Variants in SPMIP11 observed in about 807,000 individuals in gnomAD.
The protein encoded by SPMIP11 is sperm microtubule inner protein 11.
chr12:48,738,106 T>A, the SPMIP11 span, among the ~76,000 whole-genome samples: 1 of 152,162 alleles, frequency 6.6e-6, no homozygotes, highest in African/African-American at 2.4e-5. Context: ...ATTACAGGCG[T>A]GAGCCACCAT....
At chr12:48,758,210 T>C in the SPMIP11 span, among the ~76,000 whole-genome samples, 1 of 152,028 alleles carries the variant, frequency 6.6e-6, no homozygotes, top group African/African-American at 2.4e-5. Flanking sequence ...TAAGAAAATG[T>C]TGGGAAGCAC....
At chr12:48,764,974 T>G in the SPMIP11 span, 2 of 702,734 alleles carry the variant, frequency 2.8e-6, no homozygotes, top group Admixed American at 4.0e-5. Flanking sequence ...CGCCATTGTC[T>G]CATAAAAAGC....
the SPMIP11 span, among the ~76,000 whole-genome samples, chr12:48,756,191 C>G: frequency 6.6e-6 from 1 of 152,092 alleles, no homozygotes; most frequent in East Asian, 1.9e-4. Flanking sequence ...CCTCCTCAGT[C>G]TATTTCTATT....
the SPMIP11 span, chr12:48,768,436 C>T: frequency 2.3e-5 from 25 of 1,089,960 alleles, no homozygotes; most frequent in South Asian, 9.8e-5. Context: ...TGAGGGCAGA[C>T]GAGCATGATC....
At chr12:48,768,382 C>A in the SPMIP11 span, 2 of 677,790 alleles carry the variant, frequency 3.0e-6, no homozygotes, top group East Asian at 5.6e-5. Context: ...GAAAGAAAGT[C>A]ACTTGCATAA....
chr12:48,729,678 T>C, the SPMIP11 span, among the ~76,000 whole-genome samples: 9 of 149,050 alleles, frequency 6.0e-5, no homozygotes, highest in Non-Finnish European at 1.2e-4. Context: ...CCACTGCACT[T>C]CAGCCTGGCA....
chr12:48,763,063 T>C, the SPMIP11 span, among the ~76,000 whole-genome samples: 1 of 152,146 alleles, frequency 6.6e-6, no homozygotes, highest in Non-Finnish European at 1.5e-5. Flanking sequence ...GAACCTATAA[T>C]TATAACAAAA....
the SPMIP11 span, among the ~76,000 whole-genome samples, chr12:48,755,011 T>C: frequency 6.6e-6 from 1 of 151,086 alleles, no homozygotes; most frequent in Non-Finnish European, 1.5e-5. Flanking sequence ...GTAGACTCTT[T>C]CTAAAAATTC....
chr12:48,734,254 T>C, the SPMIP11 span, among the ~76,000 whole-genome samples: 2 of 151,844 alleles, frequency 1.3e-5, no homozygotes, highest in South Asian at 4.2e-4. Context: ...ACAGGTATTG[T>C]GATACTCTAA....
chr12:48,737,231 G>A, the SPMIP11 span, among the ~76,000 whole-genome samples: 10 of 151,876 alleles, frequency 6.6e-5, no homozygotes, highest in Non-Finnish European at 1.3e-4. Flanking sequence ...GATTACAGGC[G>A]TGAGCCACAT....
the SPMIP11 span, among the ~76,000 whole-genome samples, chr12:48,744,225 G>A: frequency 3.4e-5 from 5 of 147,412 alleles, no homozygotes; most frequent in Non-Finnish European, 7.4e-5. Flanking sequence ...TCCAGCGTGG[G>A]CAACAAGAGT....
At chr12:48,741,473 T>C in the SPMIP11 span, among the ~76,000 whole-genome samples, 2 of 149,820 alleles carry the variant, frequency 1.3e-5, no homozygotes, top group Non-Finnish European at 2.9e-5. Context: ...ATAAGCGACA[T>C]TATATCTTCA....
chr12:48,743,721 C>A, the SPMIP11 span, among the ~76,000 whole-genome samples: 1 of 151,710 alleles, frequency 6.6e-6, no homozygotes, highest in Non-Finnish European at 1.5e-5. Context: ...GCGGGCGGAT[C>A]GCCTGAGGTC....
chr12:48,765,933 A>C, the SPMIP11 span: 2 of 431,904 alleles, frequency 4.6e-6, no homozygotes, highest in East Asian at 8.1e-5. Context: ...AAGGCACTGG[A>C]AAGAACCGCC....
the SPMIP11 span, chr12:48,759,328 A>G: frequency 1.4e-6 from 1 of 702,924 alleles, no homozygotes; most frequent in African/African-American, 1.7e-5. Flanking sequence ...GTTGTTGAAG[A>G]CGTGTAAGTA....
chr12:48,761,445 C>CAA, the SPMIP11 span, among the ~76,000 whole-genome samples: 17 of 96,278 alleles, frequency 1.8e-4, no homozygotes, highest in East Asian at 1.1e-3. Context: ...AGCGAGACTC[C>CAA]AAAAAAAAAA....
chr12:48,759,504 T>C, the SPMIP11 span, among the ~76,000 whole-genome samples: 1 of 151,700 alleles, frequency 6.6e-6, no homozygotes, highest in African/African-American at 2.4e-5. Flanking sequence ...CTGGCCAACA[T>C]AGTGAAACCC....
chr12:48,744,739 T>A, the SPMIP11 span, among the ~76,000 whole-genome samples: 1,286 of 108,666 alleles, frequency 0.012, 13 homozygotes, highest in South Asian at 0.04. Flanking sequence ...ATAATAATAA[T>A]AAAGAAGAAG....
the SPMIP11 span, among the ~76,000 whole-genome samples, chr12:48,739,815 T>C: frequency 2.0e-5 from 3 of 152,126 alleles, no homozygotes; most frequent in Non-Finnish European, 4.4e-5. Flanking sequence ...GAGATTACAA[T>C]TCGACACGAG....
Sources: allele counts gnomAD v4.1 joint callset (sites outside exome capture counted in the v4.1 genomes callset), GRCh38; gene constraint gnomAD v4.1.1; transcripts MANE v1.5; gene names NCBI Gene and HGNC (gene_info 2026-07-23, HGNC 2026-07-21).